The following STK4 variants were observed in gnomAD, a reference collection of about 807,000 sequenced individuals.
The protein encoded by STK4 is serine/threonine-protein kinase 4.
In STK4, 30 loss-of-function variants were observed where a neutral mutation model predicts 64.9. That is an observed-to-expected ratio of 0.46 (90% CI 0.35 to 0.63). The LOEUF (loss-of-function observed/expected upper bound fraction) is 0.63, where lower values mean the gene tolerates loss of function less well. Among genes scored for constraint, STK4 ranks in the 20% least tolerant of loss-of-function variants. The pLI is 0.01. For missense variants in STK4, 466 were observed against 598.5 expected (o/e 0.78, Z 2.31); for synonymous variants, 177 against 199.0 (o/e 0.89, Z 0.93).
In STK4 at chr20:45,074,506, G is replaced by A. The variant is rs141901107; in HGVS notation, c.1306-512G>A. ...GGTGATGATAATAGGGCAGTGCCAA[G>A]ACATTGGGGGTGTGGGAAGGCAGGG... is the stretch of plus-strand genomic sequence containing the variant. On this transcript the variant is annotated intron_variant, in intron 10 of 10. Coordinates refer to ENST00000372806, the MANE Select transcript of STK4 (RefSeq NM_006282.5). Among the ~76,000 whole-genome samples the A allele has an allele frequency of 8.5e-5, 13 of 152,210 alleles. No individual in the cohort carries two copies. In the East Asian group the frequency reaches 1.9e-3, roughly 23 times the overall value.
chr20:45,052,623 G>C (rs1978293024), intron 10 of STK4, among the ~76,000 whole-genome samples: 2 of 152,144 alleles, frequency 1.3e-5, no homozygotes, highest in South Asian at 4.1e-4. Flanking sequence ...TGGGGATTGA[G>C]TCTTTGTGAT....
intron 3 of STK4, among the ~76,000 whole-genome samples, chr20:44,978,923 C>G (rs556422662): frequency 6.6e-6 from 1 of 151,666 alleles, no homozygotes; most frequent in Non-Finnish European, 1.5e-5. Flanking sequence ...CTCAGCCTCC[C>G]GAGTAGCTGG....
At chr20:45,000,347 T>C (rs994252695) in intron 7 of STK4, 45 bp from the exon 8 acceptor site, 6 of 1,589,172 alleles carry the variant, frequency 3.8e-6, no homozygotes, top group Non-Finnish European at 5.2e-6. Flanking sequence ...TTTGGCACTG[T>C]CACCATATAA....
chr20:44,978,575 A>G lies in STK4; in HGVS notation c.245+4A>G, dbSNP rs1406626320. On this transcript the variant is annotated splice_donor_region_variant and intron_variant, in intron 3 of 10. Coordinates refer to ENST00000372806, the MANE Select transcript of STK4 (RefSeq NM_006282.5). The stretch of plus-strand genomic sequence containing the variant: ...CTATAATGCAGCAATGTGACAGGTA[A>G]AGGCATGTGGGCTTCCTTTGGGGAG... 7 of 1,613,726 alleles carry G rather than the reference A, an allele frequency of 4.3e-6. No homozygotes were observed. The highest frequency in any genetic ancestry group is 1.3e-5 in the African/African-American group (1 of 74,900).
chr20:44,982,146 C>CT (rs1264737634), intron 4 of STK4, among the ~76,000 whole-genome samples: 1 of 144,914 alleles, frequency 6.9e-6, no homozygotes, highest in Non-Finnish European at 1.5e-5. Flanking sequence ...CCAGAGTCCC[C>CT]TGTCACCCAG....
intron 10 of STK4, among the ~76,000 whole-genome samples, chr20:45,070,885 CAA>C (rs34886047): frequency 2.1e-3 from 224 of 108,766 alleles, no homozygotes; most frequent in Middle Eastern, 9.2e-3. Flanking sequence ...GACTCCGTCT[CAA>C]AAAAAAAAAA....
chr20:45,053,256 T>C, intron 10 of STK4: 2 of 1,286,530 alleles, frequency 1.6e-6, no homozygotes, highest in South Asian at 2.5e-5. Context: ...TGATTTGAGC[T>C]GGGTTTTTAA....
chr20:44,988,541 A>ATGTGTGTGTG (rs1464378385), intron 5 of STK4, among the ~76,000 whole-genome samples: 1 of 123,628 alleles, frequency 8.1e-6, no homozygotes, highest in African/African-American at 4.0e-5. Flanking sequence ...GTGTATATAT[A>ATGTGTGTGTG]TATATATATA....
chr20:45,068,539 A>G (rs1009132891), intron 10 of STK4, among the ~76,000 whole-genome samples: 2 of 152,188 alleles, frequency 1.3e-5, no homozygotes, highest in Non-Finnish European at 2.9e-5. Flanking sequence ...ACCCGTTACC[A>G]CTAGTGGCAT....
At chr20:44,970,176 A>G (rs1232669974) in intron 1 of STK4, among the ~76,000 whole-genome samples, 1 of 152,122 alleles carries the variant, frequency 6.6e-6, no homozygotes, top group South Asian at 2.1e-4. Context: ...ACATGTATAC[A>G]TATGTAACTA....
chr20:44,993,727 C>G (rs1361191179), intron 5 of STK4, among the ~76,000 whole-genome samples: 1 of 152,134 alleles, frequency 6.6e-6, no homozygotes, highest in East Asian at 1.9e-4. Flanking sequence ...GCCTGTAATC[C>G]CAGCACTTCG....
chr20:45,037,012 G>A (rs1256632291), intron 10 of STK4, among the ~76,000 whole-genome samples: 3 of 152,204 alleles, frequency 2.0e-5, no homozygotes, highest in East Asian at 1.9e-4. Flanking sequence ...CAGACAGTTA[G>A]TGGCACAGTG....
chr20:44,981,792 G>T (rs2067444572), intron 3 of STK4, 37 bp from the exon 4 acceptor site: 2 of 1,248,588 alleles, frequency 1.6e-6, no homozygotes, highest in Admixed American at 1.7e-5. Context: ...ATATTTGAAG[G>T]CCATTTTATT....
intron 2 of STK4, chr20:44,972,378 T>C: frequency 2.4e-6 from 1 of 422,702 alleles, no homozygotes; most frequent in Non-Finnish European, 4.2e-6. Flanking sequence ...TTTTCTCTTT[T>C]GTAGGATCTG....
At chr20:45,050,622 T>G (rs1328627215) in intron 10 of STK4, among the ~76,000 whole-genome samples, 1 of 152,168 alleles carries the variant, frequency 6.6e-6, no homozygotes. Flanking sequence ...CTTATTTTCT[T>G]TATTGATTTT....
At chr20:44,995,336 T>G (rs2067709082) in intron 6 of STK4, 79 bp downstream of exon 6, 6 of 1,506,116 alleles carry the variant, frequency 4.0e-6, no homozygotes, top group Non-Finnish European at 4.5e-6. Context: ...CCAGGTGTTG[T>G]GGCTCACACG....
chr20:45,074,401 C>G (rs1980338976), intron 10 of STK4, among the ~76,000 whole-genome samples: 1 of 152,166 alleles, frequency 6.6e-6, no homozygotes, highest in Non-Finnish European at 1.5e-5. Context: ...ACCCTTACCC[C>G]AACCCCTGCC....
intron 10 of STK4, among the ~76,000 whole-genome samples, chr20:45,031,366 G>A (rs1044819414): frequency 1.3e-5 from 2 of 152,108 alleles, no homozygotes; most frequent in South Asian, 2.1e-4. Context: ...GGCTGGAGCC[G>A]AGTGACACAT....
chr20:45,067,001 T>A (rs991274894), intron 10 of STK4, among the ~76,000 whole-genome samples: 1 of 152,198 alleles, frequency 6.6e-6, no homozygotes, highest in Admixed American at 6.5e-5. Context: ...GAATCTCATC[T>A]TATTAGAGTC....
Sources: gnomAD v4.1 joint callset for allele counts (sites outside exome capture counted in the v4.1 genomes callset) on GRCh38, gnomAD v4.1.1 for gene constraint, MANE v1.5 for transcripts, NCBI Gene and HGNC (gene_info 2026-07-23, HGNC 2026-07-21) for gene names.